Variants in TPX2 observed in about 807,000 individuals in gnomAD.
The protein encoded by TPX2 is TPX2 microtubule nucleation factor.
Under a neutral mutation model 93.6 loss-of-function variants are expected in TPX2, and 21 were observed. The observed-to-expected ratio is 0.22, with a 90% CI of 0.16 to 0.32. The LOEUF (loss-of-function observed/expected upper bound fraction) is 0.32, where lower values mean the gene tolerates loss of function less well. TPX2 is among the 10% of genes least tolerant of loss of function. TPX2 has a pLI of 1.00. For missense variants in TPX2, 776 were observed against 871.1 expected, an observed-to-expected ratio of 0.89 and a Z score of 1.37; for synonymous variants, 281 against 298.3, an observed-to-expected ratio of 0.94 and a Z score of 0.60.
At chr20:31,759,113 T>A (rs1490025377) in intron 3 of TPX2, among the ~76,000 whole-genome samples, 1 of 152,188 alleles carries the variant, frequency 6.6e-6, no homozygotes, top group Non-Finnish European at 1.5e-5. Flanking sequence ...CACATCTTTC[T>A]ACACAGTTGC....
At chr20:31,790,216 A>G (rs993244852) in intron 12 of TPX2, among the ~76,000 whole-genome samples, 2 of 152,178 alleles carry the variant, frequency 1.3e-5, no homozygotes, top group African/African-American at 4.8e-5. Flanking sequence ...GCTATATTGG[A>G]TTTCACTATG....
chr20:31,759,196 G>A, intron 3 of TPX2, among the ~76,000 whole-genome samples: 1 of 151,818 alleles, frequency 6.6e-6, no homozygotes, highest in Non-Finnish European at 1.5e-5. Context: ...GTAGGCTGTT[G>A]GTAGAACAGA....
intron 10 of TPX2, chr20:31,781,144 G>C (rs2062030965): frequency 6.1e-6 from 1 of 163,678 alleles, no homozygotes; most frequent in African/African-American, 2.4e-5. Context: ...GGCTGGTCTT[G>C]AGCTCCTGGC....
At chr20:31,744,500 G>A (rs768796178) in intron 2 of TPX2, among the ~76,000 whole-genome samples, 4 of 151,626 alleles carry the variant, frequency 2.6e-5, no homozygotes, top group East Asian at 3.9e-4. Flanking sequence ...ATATTTTCCC[G>A]TGTCATTAAT....
chr20:31,781,842 C>G (rs2062035571), intron 10 of TPX2, among the ~76,000 whole-genome samples: 2 of 151,842 alleles, frequency 1.3e-5, no homozygotes, highest in African/African-American at 4.8e-5. Context: ...GCTTGGGAGG[C>G]TGAGGTGGGA....
intron 2 of TPX2, among the ~76,000 whole-genome samples, chr20:31,753,915 A>T (rs1267344995): frequency 6.6e-6 from 1 of 151,936 alleles, no homozygotes; most frequent in Non-Finnish European, 1.5e-5. Flanking sequence ...AACCCCAGCT[A>T]CTTGGGAGGC....
At chr20:31,766,723 T>A (rs1183545946) in intron 5 of TPX2, 41 bp downstream of exon 5, 1 of 1,595,536 alleles carries the variant, frequency 6.3e-7, no homozygotes, top group Non-Finnish European at 8.5e-7. Flanking sequence ...ATGATAATAA[T>A]GTTCAAAGGA....
chr20:31,789,434 G>A (rs1054540540), intron 12 of TPX2, among the ~76,000 whole-genome samples: 5 of 152,092 alleles, frequency 3.3e-5, no homozygotes, highest in African/African-American at 1.2e-4. Flanking sequence ...AGCTTTCATA[G>A]TCTGGTAGAG....
chr20:31,788,120 A>G (rs1344342638), intron 12 of TPX2, among the ~76,000 whole-genome samples: 4 of 152,158 alleles, frequency 2.6e-5, no homozygotes, highest in Admixed American at 6.6e-5. Flanking sequence ...AGAAACATTT[A>G]TAAGAGAGTA....
chr20:31,780,090 C>T (rs2062024113), intron 10 of TPX2, among the ~76,000 whole-genome samples: 2 of 152,138 alleles, frequency 1.3e-5, no homozygotes, highest in African/African-American at 4.8e-5. Context: ...TGGGTGTCAT[C>T]ACCCAGGCTG....
At position 31,794,553 on chromosome 20, in the gene TPX2, G is replaced by A. The variant is rs781678869; in HGVS notation, c.1833+5G>A. ...GCACAGACTTGGAAGCACCAGGTAG[G>A]GGATGGGGAGAGCAGCCAAAATGTT... On this transcript the variant is annotated splice_donor_5th_base_variant and intron_variant, in intron 15 of 17. Transcript: ENST00000300403. The A allele has an allele frequency of 6.2e-6, 10 of 1,612,778 alleles. No individual in the cohort carries two copies. In the Admixed American group the frequency reaches 1.7e-4, roughly 27 times the overall value.
intron 2 of TPX2, among the ~76,000 whole-genome samples, chr20:31,756,516 A>G (rs2122977217): frequency 6.6e-6 from 1 of 152,318 alleles, no homozygotes; most frequent in South Asian, 2.1e-4. Context: ...AATTGAGGGA[A>G]AATAATGACA....
intron 4 of TPX2, among the ~76,000 whole-genome samples, chr20:31,764,093 G>T (rs552974249): frequency 7.0e-6 from 1 of 142,398 alleles, no homozygotes; most frequent in Non-Finnish European, 1.5e-5. Context: ...ATATATATAT[G>T]TACATACATC....
chr20:31,752,556 A>T (rs1226667635), intron 2 of TPX2, among the ~76,000 whole-genome samples: 1 of 152,224 alleles, frequency 6.6e-6, no homozygotes, highest in Non-Finnish European at 1.5e-5. Context: ...ATTGTGTATG[A>T]TAGGACCTTA....
intron 12 of TPX2, among the ~76,000 whole-genome samples, chr20:31,785,393 C>T (rs2062059589): frequency 6.6e-6 from 1 of 152,146 alleles, no homozygotes; most frequent in African/African-American, 2.4e-5. Flanking sequence ...GCCAGAAGGG[C>T]TCAACGTTTA....
intron 17 of TPX2, among the ~76,000 whole-genome samples, chr20:31,800,172 C>T (rs1012516265): frequency 2.0e-5 from 3 of 152,104 alleles, no homozygotes; most frequent in Non-Finnish European, 4.4e-5. Context: ...AGGAAGGTTC[C>T]ACGGACACAC....
Position 31,782,292 on chromosome 20 carries a change from C to T in TPX2, c.1098C>T (p.Asp366=). 2 of 1,613,644 alleles carry T rather than the reference C, an allele frequency of 1.2e-6. No individual in the cohort carries two copies. The highest frequency in any genetic ancestry group is 8.5e-7 in the Non-Finnish European group (1 of 1,179,808). The change falls in exon 11 of 18, where the codon GAC becomes GAT. Residue 366 remains aspartate, a synonymous_variant. Transcript: ENST00000300403. ...CTTCTGTGACCAAGATTTGCAGAGA[C>T]CCACAGACTCCTGTACTGCAAACCA... The part of the protein sequence containing the change: ...SKSSVTKICR[D]PQTPVLQTKH...
chr20:31,774,281 G>A (rs1397549832), intron 7 of TPX2, among the ~76,000 whole-genome samples: 4 of 152,158 alleles, frequency 2.6e-5, no homozygotes, highest in East Asian at 1.9e-4. Context: ...CTCTTTAATC[G>A]TCATCTCCCC....
In TPX2 at chr20:31,792,203, A is replaced by G. The variant is rs187195811; in HGVS notation, c.1414-532A>G. Among the ~76,000 whole-genome samples the G allele has an allele frequency of 1.2e-3, 183 of 152,086 alleles. 1 individual carries two copies. Among genetic ancestry groups the G allele is most frequent in the Non-Finnish European group, 1.9e-3 (132 of 67,964 alleles). ...AGGAATTTGAGACCCATCTCTACAA[A>G]AAATGATTAGCTGGGCAAAGTGGTG... On this transcript the variant is annotated intron_variant, in intron 12 of 17. Coordinates refer to ENST00000300403, the MANE Select transcript of TPX2 (RefSeq NM_012112.5).
Sources: gnomAD v4.1 joint callset for allele counts (sites outside exome capture counted in the v4.1 genomes callset) on GRCh38, gnomAD v4.1.1 for gene constraint, MANE v1.5 for transcripts, NCBI Gene and HGNC (gene_info 2026-07-23, HGNC 2026-07-21) for gene names.